The following STPG2 variants were observed in gnomAD, a reference collection of about 807,000 sequenced individuals.
The protein encoded by STPG2 is sperm tail PG-rich repeat containing 2.
In STPG2, 56 loss-of-function variants were observed where a neutral mutation model predicts 54.2. That is an observed-to-expected ratio of 1.03 (90% CI 0.83 to 1.29). STPG2 has a LOEUF of 1.29. STPG2 is among the 50% of genes most tolerant of loss of function. STPG2 has a pLI of 0.00. For synonymous variants in STPG2, 200 were observed against 181.8 expected (o/e 1.10, Z -0.81); for missense variants, 596 against 544.9 (o/e 1.09, Z -0.93).
chr4:97,810,462 C>A (rs1402307442), intron 9 of STPG2, among the ~76,000 whole-genome samples: 809 of 112,250 alleles, frequency 7.2e-3, no homozygotes, highest in South Asian at 0.011. Flanking sequence ...GACTCTGTCT[C>A]AAAAAAAAAA....
At chr4:97,630,371 T>C (rs1322295020) in intron 10 of STPG2, among the ~76,000 whole-genome samples, 3 of 151,922 alleles carry the variant, frequency 2.0e-5, no homozygotes, top group African/African-American at 7.2e-5. Flanking sequence ...ACTTCCATTA[T>C]ATTAAAAAGC....
At chr4:97,746,252 A>G (rs1725418598) in intron 9 of STPG2, among the ~76,000 whole-genome samples, 1 of 151,234 alleles carries the variant, frequency 6.6e-6, no homozygotes, top group Non-Finnish European at 1.5e-5. Context: ...TTAACTCACT[A>G]AATTAAAAGA....
intron 10 of STPG2, among the ~76,000 whole-genome samples, chr4:97,708,648 A>G (rs1724022799): frequency 6.6e-6 from 1 of 151,940 alleles, no homozygotes; most frequent in Non-Finnish European, 1.5e-5. Context: ...TATACTCCCA[A>G]TAAAATATCT....
intron 4 of STPG2, among the ~76,000 whole-genome samples, chr4:97,501,707 G>A (rs1578346716): frequency 1.3e-5 from 2 of 150,224 alleles, no homozygotes. Context: ...AAAAAAAAAA[G>A]GAAAGAGTAA....
intron 9 of STPG2, among the ~76,000 whole-genome samples, chr4:97,721,236 T>C (rs1724439086): frequency 6.6e-6 from 1 of 152,134 alleles, no homozygotes; most frequent in African/African-American, 2.4e-5. Context: ...GCTGTCTTTT[T>C]TGAAAGCTGA....
chr4:97,753,149 T>C (rs1475111737), intron 9 of STPG2, among the ~76,000 whole-genome samples: 1 of 151,962 alleles, frequency 6.6e-6, no homozygotes, highest in African/African-American at 2.4e-5. Flanking sequence ...ATTCAAAATG[T>C]TGTGTTATCA....
At chr4:97,643,591 G>A (rs1302650292) in intron 10 of STPG2, among the ~76,000 whole-genome samples, 2 of 151,600 alleles carry the variant, frequency 1.3e-5, no homozygotes, top group Non-Finnish European at 3.0e-5. Flanking sequence ...GGGCTTATTT[G>A]CAACAACATT....
In STPG2 at chr4:98,026,233, C is replaced by T. The variant is rs531647637; in HGVS notation, c.613-44915G>A. On this transcript the variant is annotated intron_variant, in intron 5 of 10. Transcript: ENST00000295268. ...GGGTAGCTCAAAAGAAAGCAAGCCC[C>T]CTCAAGAGCTCAGGAGTGGGCTGCT... 4.4e-5 allele frequency: 46 copies of T among 1,035,904 alleles called. No homozygotes were observed. In the African/African-American group the frequency reaches 5.9e-4, roughly 13 times the overall value. The allele number at this position is 1,035,904 out of a possible 1,614,324, so 64.2% of individuals were successfully genotyped here. A position where few individuals can be genotyped will look rare whatever the true frequency, so the allele number is the denominator to read the frequency against.
At chr4:97,752,127 C>T (rs1295469829) in intron 9 of STPG2, among the ~76,000 whole-genome samples, 1 of 151,760 alleles carries the variant, frequency 6.6e-6, no homozygotes, top group Admixed American at 6.6e-5. Context: ...ACTTACATCC[C>T]TTTTAAAGTG....
intron 10 of STPG2, among the ~76,000 whole-genome samples, chr4:97,642,392 G>A (rs1721790066): frequency 6.6e-6 from 1 of 151,092 alleles, no homozygotes; most frequent in African/African-American, 2.4e-5. Flanking sequence ...TAAGGTTTAG[G>A]AAGTACTATT....
chr4:97,719,118 T>A (rs1256641862), intron 9 of STPG2, among the ~76,000 whole-genome samples: 1 of 151,968 alleles, frequency 6.6e-6, no homozygotes, highest in East Asian at 1.9e-4. Context: ...TCATTTTGGA[T>A]AAGACTACCA....
chr4:97,980,827 C>A (rs1392213246), intron 6 of STPG2, among the ~76,000 whole-genome samples: 29 of 151,930 alleles, frequency 1.9e-4, no homozygotes, highest in Admixed American at 1.9e-3. Flanking sequence ...AACTGAACAT[C>A]ATAAATTATA....
At chr4:98,123,685 T>C (rs769749778) in intron 3 of STPG2, among the ~76,000 whole-genome samples, 1 of 152,224 alleles carries the variant, frequency 6.6e-6, no homozygotes, top group Non-Finnish European at 1.5e-5. Context: ...TAGAGAGTTC[T>C]GTAGATATCT....
intron 8 of STPG2, among the ~76,000 whole-genome samples, chr4:97,927,840 C>T (rs1273597322): frequency 6.6e-6 from 1 of 151,974 alleles, no homozygotes; most frequent in East Asian, 1.9e-4. Flanking sequence ...TGGAATGGTG[C>T]CTGGCATGGA....
At chr4:97,796,970 G>A (rs1727206106) in intron 9 of STPG2, among the ~76,000 whole-genome samples, 1 of 151,990 alleles carries the variant, frequency 6.6e-6, no homozygotes, top group Non-Finnish European at 1.5e-5. Context: ...GTGAATGGGA[G>A]TTCACTCATG....
chr4:98,078,276 T>C (rs974950113), intron 5 of STPG2, among the ~76,000 whole-genome samples: 15 of 152,162 alleles, frequency 9.9e-5, no homozygotes, highest in Non-Finnish European at 2.2e-4. Flanking sequence ...GGAATTTTCA[T>C]AATATATTTT....
At chr4:97,552,121 T>G (rs972938350) in intron 4 of STPG2, among the ~76,000 whole-genome samples, 7 of 152,146 alleles carry the variant, frequency 4.6e-5, no homozygotes, top group African/African-American at 1.7e-4. Flanking sequence ...AAAAACATAT[T>G]GTATAGCCAA....
chr4:97,781,973 A>G (rs955422225), intron 9 of STPG2, among the ~76,000 whole-genome samples: 1 of 152,232 alleles, frequency 6.6e-6, no homozygotes, highest in Admixed American at 6.5e-5. Context: ...CACAGCCAAT[A>G]TCATACTGAA....
chr4:97,966,758 T>C (rs1337314446), intron 7 of STPG2, among the ~76,000 whole-genome samples: 1 of 152,040 alleles, frequency 6.6e-6, no homozygotes, highest in Admixed American at 6.6e-5. Flanking sequence ...CAATTTCATA[T>C]CCAGCCAAAC....
Sources: gnomAD v4.1 joint callset for allele counts (sites outside exome capture counted in the v4.1 genomes callset) on GRCh38, gnomAD v4.1.1 for gene constraint, MANE v1.5 for transcripts, NCBI Gene and HGNC (gene_info 2026-07-23, HGNC 2026-07-21) for gene names.